Variants in CEP290 observed in about 807,000 individuals in gnomAD.
The protein encoded by CEP290 is centrosomal protein of 290 kDa.
Under a neutral mutation model 344.9 loss-of-function variants are expected in CEP290, and 317 were observed. The observed-to-expected ratio is 0.92, with a 90% confidence interval of 0.84 to 1.01. The LOEUF is 1.01. Ranked by LOEUF, CEP290 falls within the 50% of genes least tolerant of loss-of-function variation. The pLI is 0.00. For missense variants in CEP290, 2,754 were observed against 2,761.4 expected (o/e 1.00, Z 0.06); for synonymous variants, 932 against 895.8 (o/e 1.04, Z -0.72).
chr12:88,098,683 T>C (rs2037646616), intron 26 of CEP290, among the ~76,000 whole-genome samples: 1 of 151,820 alleles, frequency 6.6e-6, no homozygotes, highest in African/African-American at 2.4e-5. Context: ...GAAAGGAACA[T>C]TTAGATAGAG....
chr12:88,094,339 A>T (rs1327842903), intron 27 of CEP290, among the ~76,000 whole-genome samples: 1 of 152,128 alleles, frequency 6.6e-6, no homozygotes, highest in Non-Finnish European at 1.5e-5. Context: ...ATGAGAAGCA[A>T]TGCAGTAAAG....
chr12:88,109,741 A>G (rs1453951062), intron 22 of CEP290, among the ~76,000 whole-genome samples: 1 of 152,118 alleles, frequency 6.6e-6, no homozygotes, highest in Non-Finnish European at 1.5e-5. Flanking sequence ...TTGAGAGTCT[A>G]AGTACCTGTT....
In CEP290 at chr12:88,090,728, C is replaced by G; in HGVS notation, c.3573G>C (p.Gln1191His). ...GTAGAAGAGCCAATACTGCACATAC[C>G]TGATAGTCTAGCAGTTGCATTCTGA... ...ESLRMQLLDYQAQSDEKSLIA... is the reference protein window; with the variant it reads ...ESLRMQLLDYHAQSDEKSLIA... The change falls in exon 30 of 54, where the codon CAG becomes CAC. Residue 1191 changes from glutamine to histidine, a missense_variant and splice_region_variant. Gln to His is a conservative substitution (Grantham distance 24). Coordinates refer to ENST00000552810, the MANE Select transcript of CEP290 (RefSeq NM_025114.4). 1 of 1,526,706 alleles carries G rather than the reference C, an allele frequency of 6.6e-7. No individual in the cohort carries two copies. The highest frequency in any genetic ancestry group is 8.9e-7 in the Non-Finnish European group (1 of 1,122,064). The allele number at this position is 1,526,706 out of a possible 1,614,324, so 94.6% of individuals were successfully genotyped here. A position where few individuals can be genotyped will look rare whatever the true frequency, so the allele number is the denominator to read the frequency against.
chr12:88,090,883 C>A, intron 29 of CEP290, 44 bp from the exon 30 acceptor site: 1 of 1,241,544 alleles, frequency 8.1e-7, no homozygotes, highest in Non-Finnish European at 1.1e-6. Flanking sequence ...AGTACACTTT[C>A]TAAGTAAATG....
Position 88,109,122 on chromosome 12 carries a change from GT to G in CEP290, c.2426del (p.Asn809ThrfsTer6). On this transcript the variant is annotated frameshift_variant, in exon 23 of 54. Coordinates refer to ENST00000552810, the MANE Select transcript of CEP290 (RefSeq NM_025114.4). LOFTEE classifies it high-confidence loss of function. ...KNLEDSLEDY[N>X]RKFAVIRHQQ... ...GATGACGAATTACAGCAAATTTTCT[GT>G]TGTAATCTTCAAGAGAATCTTCTAA... The G allele has an allele frequency of 6.8e-7, 1 of 1,469,532 alleles. No homozygotes were observed. The highest frequency in any genetic ancestry group is 2.4e-5 in the Admixed American group (1 of 41,780). 91.0% of individuals were successfully genotyped at this position (1,469,532 alleles called of 1,614,324 possible). A position where few individuals can be genotyped will look rare whatever the true frequency, so the allele number is the denominator to read the frequency against.
Position 88,124,989 on chromosome 12 carries a change from T to G in CEP290, c.1189+257A>C, listed in dbSNP as rs28393959. On this transcript the variant is annotated intron_variant, in intron 13 of 53. Transcript: ENST00000552810. ...AAATAATTGTATCACAATTTTTCAT[T>G]TCTTTCATACCAGTGACCTGGTAAT... Among the ~76,000 whole-genome samples the G allele has an allele frequency of 0.069, 10,530 of 152,058 alleles. 1,237 individuals carry two copies. Among genetic ancestry groups the G allele is most frequent in the African/African-American group, 0.24 (10,008 of 41,452 alleles).
intron 5 of CEP290, among the ~76,000 whole-genome samples, chr12:88,137,600 T>C (rs1294001491): frequency 6.6e-6 from 1 of 152,216 alleles, no homozygotes; most frequent in Admixed American, 6.5e-5. Context: ...AAGCATTCCA[T>C]TGTGCTCTCT....
intron 46 of CEP290, among the ~76,000 whole-genome samples, chr12:88,062,143 C>T (rs1439513968): frequency 6.6e-6 from 1 of 152,092 alleles, no homozygotes; most frequent in Non-Finnish European, 1.5e-5. Flanking sequence ...TTTAATATTA[C>T]TACCAGAATG....
At position 88,128,162 on chromosome 12, in the gene CEP290, C is replaced by G. The variant is rs552640945; in HGVS notation, c.942+784G>C. On this transcript the variant is annotated intron_variant, in intron 11 of 53. Transcript: ENST00000552810. ...AGCAGAGTTTAGTTATAGCAGAGAC[C>G]AGGTGGTCTAAAATATTCACTGTCT... Among the ~76,000 whole-genome samples the G allele has an allele frequency of 1.3e-4, 20 of 152,196 alleles. No homozygotes were observed. In the South Asian group the frequency reaches 4.1e-3, roughly 32 times the overall value.
intron 25 of CEP290, among the ~76,000 whole-genome samples, chr12:88,104,875 GA>G (rs1486085124): frequency 6.6e-6 from 1 of 151,788 alleles, no homozygotes; most frequent in African/African-American, 2.4e-5. Flanking sequence ...TTCTATGTAA[GA>G]AAAAAATACA....
In CEP290 at chr12:88,111,821, G is replaced by T; in HGVS notation, c.2090C>A (p.Ala697Glu). ...ESKNAEGIFD[A>E]SLHLKAQVDQ... ...AACTTGGGCTTTCAAATGCAGACTCGCATCAAAGATTCCTTCTGCATTCTT... is the reference window on the plus strand; with the variant it reads ...AACTTGGGCTTTCAAATGCAGACTCTCATCAAAGATTCCTTCTGCATTCTT... Residue 697 changes from alanine to glutamate, a missense_variant, in exon 21 of 54, where the codon GCG becomes GAG. Coordinates refer to ENST00000552810, the MANE Select transcript of CEP290 (RefSeq NM_025114.4). The T allele has an allele frequency of 6.2e-7, 1 of 1,600,958 alleles. No homozygotes were observed. Among genetic ancestry groups the T allele is most frequent in the Non-Finnish European group, 8.5e-7 (1 of 1,174,220 alleles).
chr12:88,059,643 G>A (rs1053984298), intron 48 of CEP290, among the ~76,000 whole-genome samples: 3 of 152,128 alleles, frequency 2.0e-5, no homozygotes, highest in African/African-American at 4.8e-5. Flanking sequence ...TCCTGACCTC[G>A]TGATCCACCC....
intron 34 of CEP290, 97 bp downstream of exon 34, chr12:88,085,942 T>A: frequency 9.1e-7 from 1 of 1,100,448 alleles, no homozygotes; most frequent in Non-Finnish European, 1.3e-6. Context: ...AATAGATTCA[T>A]CATTCTATGC....
intron 39 of CEP290, 73 bp from the exon 40 acceptor site, chr12:88,077,991 G>T: frequency 1.6e-6 from 1 of 629,976 alleles, no homozygotes; most frequent in Non-Finnish European, 2.6e-6. Flanking sequence ...ACATAAAACA[G>T]AAAATATACC....
chr12:88,128,872 A>T, intron 11 of CEP290, 74 bp downstream of exon 11: 1 of 865,046 alleles, frequency 1.2e-6, no homozygotes, highest in Non-Finnish European at 1.7e-6. Context: ...TAAGACATTT[A>T]AAGAAAAATA....
intron 41 of CEP290, among the ~76,000 whole-genome samples, chr12:88,076,871 C>T (rs566904475): frequency 9.1e-4 from 139 of 152,060 alleles, no homozygotes; most frequent in African/African-American, 3.3e-3. Context: ...TCAAAAGCAC[C>T]AACCTGTGTA....
At chr12:88,092,249 GTAAAC>G (rs1282977302) in intron 29 of CEP290, among the ~76,000 whole-genome samples, 1 of 152,142 alleles carries the variant, frequency 6.6e-6, no homozygotes, top group African/African-American at 2.4e-5. Context: ...CCCGATAAAT[GTAAAC>G]TAAATCAAAA....
chr12:88,099,234 A>C (rs1409502144), intron 26 of CEP290, among the ~76,000 whole-genome samples: 7 of 152,198 alleles, frequency 4.6e-5, no homozygotes, highest in Admixed American at 4.6e-4. Flanking sequence ...TGACTACAGA[A>C]TAACTCTAAA....
chr12:88,049,040 T>G lies in CEP290; in HGVS notation c.*144A>C, dbSNP rs993123845. 3 of 447,236 alleles carry G rather than the reference T, an allele frequency of 6.7e-6. No individual in the cohort carries two copies. Among genetic ancestry groups the G allele is most frequent in the Non-Finnish European group, 1.2e-5 (3 of 253,448 alleles). 27.7% of individuals were successfully genotyped at this position (447,236 alleles called of 1,614,324 possible). ...ATAAGTTGAAAATTTCATATAATTT[T>G]ATTTATTAAGAATTCCAATCTAAGT... On this transcript the variant is annotated 3_prime_UTR_variant, in exon 54 of 54. Transcript: ENST00000552810.
Sources: gnomAD v4.1 joint callset for allele counts (sites outside exome capture counted in the v4.1 genomes callset) on GRCh38, gnomAD v4.1.1 for gene constraint, MANE v1.5 for transcripts, NCBI Gene and HGNC (gene_info 2026-07-23, HGNC 2026-07-21) for gene names.